The following SHISA6 variants were observed in gnomAD, a reference collection of about 807,000 sequenced individuals.
SHISA6 encodes the protein protein shisa-6.
A neutral mutation model predicts 47.9 loss-of-function variants in SHISA6; 22 were observed. The observed-to-expected ratio is 0.46, with a 90% CI of 0.33 to 0.66. The LOEUF (loss-of-function observed/expected upper bound fraction) is 0.66, where lower values mean the gene tolerates loss of function less well. SHISA6 is among the 30% of genes least tolerant of loss of function. The pLI is 0.02. For missense variants in SHISA6, 680 were observed against 764.6 expected (o/e 0.89, Z 1.30); for synonymous variants, 388 against 337.8 (o/e 1.15, Z -1.63).
intron 3 of SHISA6, among the ~76,000 whole-genome samples, chr17:11,388,327 G>C (rs1252881603): frequency 6.6e-6 from 1 of 152,138 alleles, no homozygotes; most frequent in Non-Finnish European, 1.5e-5. Flanking sequence ...TGTGAAGCCA[G>C]TACCACCTGG....
chr17:11,298,605 C>CAGTG (rs778601218), intron 2 of SHISA6, among the ~76,000 whole-genome samples: 1 of 152,128 alleles, frequency 6.6e-6, no homozygotes, highest in Non-Finnish European at 1.5e-5. Flanking sequence ...GCAGTGGGGT[C>CAGTG]AGTGCCATGG....
chr17:11,550,702 G>T (rs2071924495), intron 3 of SHISA6, among the ~76,000 whole-genome samples: 2 of 152,158 alleles, frequency 1.3e-5, no homozygotes, highest in Admixed American at 6.5e-5. Context: ...TTTGGGGTGA[G>T]GGTAGGAATT....
At position 11,302,308 on chromosome 17, in the gene SHISA6, C is replaced by A. The variant is rs575554532; in HGVS notation, c.799+38782C>A. ...GAGGAGTTGTAGAGAGTGAAATAGA[C>A]CACAAAATGTTATGCTGGAAGGAAC... On this transcript the variant is annotated intron_variant, in intron 2 of 5. Coordinates refer to ENST00000441885, the MANE Select transcript of SHISA6 (RefSeq NM_207386.4). Among the ~76,000 whole-genome samples the A allele has an allele frequency of 3.3e-5, 5 of 152,246 alleles. No individual in the cohort carries two copies. In the East Asian group the frequency reaches 9.7e-4, roughly 29 times the overall value.
intron 3 of SHISA6, among the ~76,000 whole-genome samples, chr17:11,532,905 C>T (rs1352026917): frequency 1.3e-5 from 2 of 152,104 alleles, no homozygotes; most frequent in Non-Finnish European, 1.5e-5. Flanking sequence ...TGGAAATAGG[C>T]GTGTTGGTGC....
chr17:11,526,041 C>G lies in SHISA6; in HGVS notation c.896-25855C>G, dbSNP rs78152345. On this transcript the variant is annotated intron_variant, in intron 3 of 5. Transcript: ENST00000441885. ...AAAAAAAAAACCTGTCTTCAATAAA[C>G]TAAGGGTATCACTCCGAAGTGAAGG... Among the ~76,000 whole-genome samples, 675 of 150,278 alleles carry G rather than the reference C, an allele frequency of 4.5e-3. 7 individuals carry two copies. Among genetic ancestry groups the G allele is most frequent in the African/African-American group, 0.016 (640 of 40,796 alleles).
chr17:11,408,697 C>T (rs902296102), intron 3 of SHISA6, among the ~76,000 whole-genome samples: 11 of 152,152 alleles, frequency 7.2e-5, no homozygotes, highest in Non-Finnish European at 1.5e-4. Flanking sequence ...AGAAAAATGC[C>T]TCCACAATGT....
chr17:11,317,580 C>T (rs1910567693), intron 2 of SHISA6, among the ~76,000 whole-genome samples: 1 of 151,876 alleles, frequency 6.6e-6, no homozygotes, highest in South Asian at 2.1e-4. Flanking sequence ...AATTGCATTT[C>T]ACAACCGCAG....
At chr17:11,295,604 G>A (rs772470320) in intron 2 of SHISA6, among the ~76,000 whole-genome samples, 12 of 152,186 alleles carry the variant, frequency 7.9e-5, no homozygotes, top group Non-Finnish European at 1.5e-5. Flanking sequence ...GATAAAGGAT[G>A]ACAGGGACAG....
At chr17:11,384,702 T>C (rs982760278) in intron 3 of SHISA6, among the ~76,000 whole-genome samples, 4 of 152,138 alleles carry the variant, frequency 2.6e-5, no homozygotes, top group African/African-American at 9.7e-5. Flanking sequence ...GCAGAGTGAA[T>C]GTGACATACA....
intron 4 of SHISA6, among the ~76,000 whole-genome samples, chr17:11,554,656 T>G (rs572228109): frequency 3.3e-5 from 5 of 152,294 alleles, no homozygotes; most frequent in Non-Finnish European, 1.5e-5. Context: ...ACAGCGAGAC[T>G]ATAGCCTTCC....
Position 11,455,446 on chromosome 17 carries a change from C to T in SHISA6, c.895+75937C>T, listed in dbSNP as rs1184350710. Among the ~76,000 whole-genome samples, 3 of 152,186 alleles carry T rather than the reference C, an allele frequency of 2.0e-5. No homozygotes were observed. In the East Asian group the frequency reaches 5.8e-4, roughly 29 times the overall value. Reference sequence around the variant, plus strand: ...CAAATTCATGGAAGAGGAGTTCCAGCCTTCTTAGGAGAACAAAACTGTTTA... The same window carrying T: ...CAAATTCATGGAAGAGGAGTTCCAGTCTTCTTAGGAGAACAAAACTGTTTA... On this transcript the variant is annotated intron_variant, in intron 3 of 5. Coordinates refer to ENST00000441885, the MANE Select transcript of SHISA6 (RefSeq NM_207386.4).
rs1910880255 is a variant in SHISA6, at chr17:11,326,127, CA to C, written c.800-53286del. 3.3e-5 allele frequency among the ~76,000 whole-genome samples: 5 copies of C among 152,142 alleles called. No individual in the cohort carries two copies. In the South Asian group the frequency reaches 1.0e-3, roughly 32 times the overall value. On this transcript the variant is annotated intron_variant, in intron 2 of 5. Transcript: ENST00000441885. ...TCTACTAAAAATACAAAAAATTAGCCAGGCGTGGTGGCATGCACCTGTAGTC... is the reference window on the plus strand; with the variant it reads ...TCTACTAAAAATACAAAAAATTAGCCGGCGTGGTGGCATGCACCTGTAGTC...
At chr17:11,461,911 A>G (rs3111840) in intron 3 of SHISA6, among the ~76,000 whole-genome samples, 14,993 of 152,230 alleles carry the variant, frequency 0.098, 1,147 homozygotes, top group African/African-American at 0.21. Context: ...GCAAGACCCC[A>G]GATACCAGAG....
At chr17:11,265,729 G>A (rs1450349931) in intron 2 of SHISA6, among the ~76,000 whole-genome samples, 5 of 152,098 alleles carry the variant, frequency 3.3e-5, no homozygotes, top group Non-Finnish European at 5.9e-5. Flanking sequence ...CTCTCTGTTC[G>A]GGTTTTCTTT....
intron 2 of SHISA6, among the ~76,000 whole-genome samples, chr17:11,305,432 G>A (rs1011162133): frequency 2.6e-5 from 4 of 152,322 alleles, no homozygotes; most frequent in African/African-American, 4.8e-5. Context: ...AAATTGCAAC[G>A]TGTCCTGGAG....
In SHISA6 at chr17:11,241,457, T is replaced by C; in HGVS notation, c.35T>C (p.Leu12Pro). The C allele has an allele frequency of 8.3e-7, 1 of 1,208,638 alleles. No homozygotes were observed. The highest frequency in any genetic ancestry group is 1.0e-6 in the Non-Finnish European group (1 of 955,278). The allele number at this position is 1,208,638 out of a possible 1,614,324, so 74.9% of individuals were successfully genotyped here. A position where few individuals can be genotyped will look rare whatever the true frequency, so the allele number is the denominator to read the frequency against. Reference sequence around the variant, plus strand: ...CGGCGCCTCCTGCTGCTGCTGCTGCTCTCGCTGGAGTCCCTGGACCTGCTG... The same window carrying C: ...CGGCGCCTCCTGCTGCTGCTGCTGCCCTCGCTGGAGTCCCTGGACCTGCTG... ...ALRRLLLLLL[L>P]SLESLDLLPS... is the part of the protein sequence containing the mutation. Residue 12 changes from leucine (L) to proline (P), a missense_variant, in exon 1 of 6, where the codon CTC becomes CCC. Around this residue, in one of 2 missense-constraint regions of SHISA6, gnomAD observed 121 missense variants for 90.5 expected, o/e 1.34. Transcript: ENST00000441885. This position sits in a 1 kb window ranked among gnomAD's most constrained non-coding sequence, Gnocchi z 5.5.
intron 3 of SHISA6, among the ~76,000 whole-genome samples, chr17:11,445,661 G>A (rs1475365371): frequency 2.0e-5 from 3 of 152,218 alleles, no homozygotes; most frequent in Non-Finnish European, 2.9e-5. Flanking sequence ...TGGTGATGCC[G>A]AGATCTGAAA....
At chr17:11,459,049 A>C (rs560690311) in intron 3 of SHISA6, among the ~76,000 whole-genome samples, 9 of 81,392 alleles carry the variant, frequency 1.1e-4, no homozygotes, top group Non-Finnish European at 2.2e-4. Context: ...GTCTCTACTA[A>C]AAAAAAAAAA....
rs555898608 is a variant in SHISA6 at position 11,491,575 on chromosome 17, G to T, written c.896-60321G>T. Among the ~76,000 whole-genome samples the T allele has an allele frequency of 2.6e-5, 4 of 152,160 alleles. No homozygotes were observed. The South Asian group carries it at 8.3e-4, about 32-fold the overall frequency. ...CACCTCAGCCACCCAAGCATCTGTG[G>T]AAAGAATTTCAAGTAAATGGAACTA... On this transcript the variant is annotated intron_variant, in intron 3 of 5. Transcript: ENST00000441885.
Sources: allele counts gnomAD v4.1 joint callset (sites outside exome capture counted in the v4.1 genomes callset), GRCh38; gene constraint gnomAD v4.1.1; regional missense constraint gnomAD v4.1.1; non-coding constraint Gnocchi (gnomAD v3.1); transcripts MANE v1.5; gene names NCBI Gene and HGNC (gene_info 2026-07-23, HGNC 2026-07-21).